Variants in PEMT observed in about 807,000 individuals in gnomAD.
PEMT encodes phosphatidylethanolamine N-methyltransferase.
Under a neutral mutation model 27.4 loss-of-function variants are expected in PEMT, and 23 were observed. The observed-to-expected ratio is 0.84, with a 90% CI of 0.60 to 1.19. PEMT has a LOEUF of 1.19. PEMT is among the 50% of genes most tolerant of loss of function. The pLI, the probability that PEMT is intolerant of heterozygous loss-of-function variation, is 0.00. For missense variants in PEMT, 307 were observed against 310.1 expected (o/e 0.99, Z 0.07); for synonymous variants, 137 against 139.1 (o/e 0.98, Z 0.11).
rs921682338 is a variant in PEMT, at chr17:17,518,777, C to T, written c.320+3503G>A. Among the ~76,000 whole-genome samples the T allele has an allele frequency of 2.8e-4, 43 of 152,134 alleles. 1 individual carries two copies. The highest frequency in any genetic ancestry group is 2.6e-3 in the Admixed American group (39 of 15,276). On this transcript the variant is annotated intron_variant, in intron 3 of 6. Coordinates refer to ENST00000255389, the MANE Select transcript of PEMT (RefSeq NM_148172.3). ...AAAGCTTGCCATCTCCCATGGAGAA[C>T]GATGCCACACCCCAAAGGTCCAGAA...
rs555855212 is a variant in PEMT at position 17,552,112 on chromosome 17, G to C, written c.204+24808C>G. 3.9e-5 allele frequency among the ~76,000 whole-genome samples: 6 copies of C among 152,302 alleles called. No individual in the cohort carries two copies. The East Asian group carries it at 1.2e-3, about 29-fold the overall frequency. ...AGCTACTTGGTAGGCTGAGGCAGGA[G>C]AATCACTTGAACCTGGGAGGTGGAG... On this transcript the variant is annotated intron_variant, in intron 2 of 6. Transcript: ENST00000255389.
intron 2 of PEMT, among the ~76,000 whole-genome samples, chr17:17,576,356 G>A (rs978609471): frequency 2.0e-5 from 3 of 152,186 alleles, no homozygotes; most frequent in Admixed American, 6.5e-5. Flanking sequence ...CACCCATCAC[G>A]AGCTGGTGCC....
At position 17,512,755 on chromosome 17, in the gene PEMT, T is replaced by A; in HGVS notation, c.321-101A>T. The A allele has an allele frequency of 8.4e-7, 1 of 1,193,192 alleles. No individual in the cohort carries two copies. Among genetic ancestry groups the A allele is most frequent in the Non-Finnish European group, 1.1e-6 (1 of 913,888 alleles). 73.9% of individuals were successfully genotyped at this position (1,193,192 alleles called of 1,614,324 possible). A position where few individuals can be genotyped will look rare whatever the true frequency, so the allele number is the denominator to read the frequency against. ...CTTCTCGCCCTCTCCCCAGGGACCC[T>A]TAGAGAGTAGCCAGCCCAGGGCTGC... On this transcript the variant is annotated intron_variant, in intron 3 of 6. Transcript: ENST00000255389. The surrounding 1 kb of genome is among the most constrained non-coding windows in gnomAD (Gnocchi z 6.3).
chr17:17,539,204 C>T (rs1908707352), intron 2 of PEMT, among the ~76,000 whole-genome samples: 1 of 152,174 alleles, frequency 6.6e-6, no homozygotes, highest in African/African-American at 2.4e-5. Context: ...TGGTCTCCAA[C>T]TGTTGGTCTT....
intron 2 of PEMT, among the ~76,000 whole-genome samples, chr17:17,556,006 G>A (rs1041097389): frequency 1.3e-5 from 2 of 152,242 alleles, no homozygotes; most frequent in Non-Finnish European, 2.9e-5. Flanking sequence ...GAAGTGCTGC[G>A]CACTGTGCCG....
Position 17,582,323 on chromosome 17 carries a change from C to T in PEMT, c.97-5296G>A, listed in dbSNP as rs569915929. Reference sequence around the variant, plus strand: ...TAGCTCGAGTCCCACAGGTCACCGACGAATAGCCTCAGCTGTTAACACCCC... The same window carrying T: ...TAGCTCGAGTCCCACAGGTCACCGATGAATAGCCTCAGCTGTTAACACCCC... On this transcript the variant is annotated intron_variant, in intron 1 of 6. Coordinates refer to ENST00000255389, the MANE Select transcript of PEMT (RefSeq NM_148172.3). The surrounding 1 kb of genome is among the most constrained non-coding windows in gnomAD (Gnocchi z 4.9). 9 of 985,454 alleles carry T rather than the reference C, an allele frequency of 9.1e-6. No homozygotes were observed. The highest frequency in any genetic ancestry group is 6.1e-5 in the Admixed American group (1 of 16,286). 61.0% of individuals were successfully genotyped at this position (985,454 alleles called of 1,614,324 possible).
At chr17:17,550,857 A>G (rs540083966) in intron 2 of PEMT, among the ~76,000 whole-genome samples, 39 of 152,336 alleles carry the variant, frequency 2.6e-4, no homozygotes, top group Admixed American at 1.8e-3. Flanking sequence ...GTACAGAGAA[A>G]GCCCACGGAG....
intron 2 of PEMT, among the ~76,000 whole-genome samples, chr17:17,525,282 A>C (rs976789019): frequency 3.3e-5 from 5 of 152,218 alleles, no homozygotes; most frequent in Admixed American, 3.3e-4. Context: ...GAAAAGCATC[A>C]AGCAAGACTA....
At chr17:17,577,552 C>T (rs912985525) in intron 1 of PEMT, 8 of 989,888 alleles carry the variant, frequency 8.1e-6, no homozygotes, top group Non-Finnish European at 9.6e-6. Context: ...ACATCCCGGC[C>T]ACGCCACCCG....
At position 17,586,190 on chromosome 17, in the gene PEMT, G is replaced by C. The variant is rs183567369; in HGVS notation, c.96+5341C>G. ...AAAAAGAAAGAAAGAAAAAGAAAAA[G>C]AAGGAAGGAAAGAAAGAAAGAAAGA... On this transcript the variant is annotated intron_variant, in intron 1 of 6. Transcript: ENST00000255389. Among the ~76,000 whole-genome samples, 149 of 119,412 alleles carry C rather than the reference G, an allele frequency of 1.2e-3. 4 individuals carry two copies. Among genetic ancestry groups the C allele is most frequent in the Middle Eastern group, 4.5e-3 (1 of 220 alleles). 78.3% of individuals were successfully genotyped at this position (119,412 alleles called of 152,430 possible). A position where few individuals can be genotyped will look rare whatever the true frequency, so the allele number is the denominator to read the frequency against.
In PEMT at chr17:17,516,567, C is replaced by T. The variant is rs115046876; in HGVS notation, c.321-3913G>A. Among the ~76,000 whole-genome samples the T allele has an allele frequency of 5.5e-3, 841 of 152,304 alleles. 5 individuals carry two copies. Among genetic ancestry groups the T allele is most frequent in the African/African-American group, 0.018 (768 of 41,564 alleles). ...AGCCTCACGGGCAGGCCAAGGACAA[C>T]AGGCAGCAGTATCCCAGCACCCCTA... On this transcript the variant is annotated intron_variant, in intron 3 of 6. Transcript: ENST00000255389.
intron 2 of PEMT, among the ~76,000 whole-genome samples, chr17:17,562,759 A>G (rs1388465280): frequency 6.6e-6 from 1 of 152,078 alleles, no homozygotes; most frequent in East Asian, 1.9e-4. Flanking sequence ...CAGTGAGTGG[A>G]GATCGCACCA....
chr17:17,548,214 C>T (rs928379889), intron 2 of PEMT, among the ~76,000 whole-genome samples: 1 of 152,256 alleles, frequency 6.6e-6, no homozygotes, highest in East Asian at 1.9e-4. Flanking sequence ...AAGCTGCACA[C>T]AGCCCTGCTG....
chr17:17,521,245 A>AT (rs889449577), intron 3 of PEMT, among the ~76,000 whole-genome samples: 5 of 152,112 alleles, frequency 3.3e-5, no homozygotes, highest in African/African-American at 1.2e-4. Context: ...CTAGTTTCTC[A>AT]TTTTTTGGAG....
chr17:17,575,724 A>C (rs1211318474), intron 2 of PEMT, among the ~76,000 whole-genome samples: 4 of 151,578 alleles, frequency 2.6e-5, no homozygotes, highest in African/African-American at 9.7e-5. Flanking sequence ...CGCCAGTCTC[A>C]CTCCCACCTC....
chr17:17,515,863 A>G (rs111485551), intron 3 of PEMT, among the ~76,000 whole-genome samples: 27 of 152,218 alleles, frequency 1.8e-4, no homozygotes, highest in African/African-American at 6.3e-4. Context: ...TATTTTTAAG[A>G]CCTGGATTGA....
chr17:17,566,779 G>A (rs889065049), intron 2 of PEMT, among the ~76,000 whole-genome samples: 1 of 152,220 alleles, frequency 6.6e-6, no homozygotes, highest in African/African-American at 2.4e-5. Context: ...TGGGCGCAGG[G>A]GGGCAGGTCG....
At chr17:17,519,280 C>T (rs1037347829) in intron 3 of PEMT, among the ~76,000 whole-genome samples, 3 of 152,030 alleles carry the variant, frequency 2.0e-5, no homozygotes, top group Non-Finnish European at 2.9e-5. Flanking sequence ...CAGGGCACAC[C>T]TCTGCCTCTG....
chr17:17,575,850 A>G (rs1251481675), intron 2 of PEMT, among the ~76,000 whole-genome samples: 2 of 152,228 alleles, frequency 1.3e-5, no homozygotes, highest in Non-Finnish European at 2.9e-5. Context: ...ACTGTCTTTG[A>G]CATGAGCAGG....
Sources: gnomAD v4.1 joint callset for allele counts (sites outside exome capture counted in the v4.1 genomes callset) on GRCh38, gnomAD v4.1.1 for gene constraint, Gnocchi (gnomAD v3.1) non-coding constraint, MANE v1.5 for transcripts, NCBI Gene and HGNC (gene_info 2026-07-23, HGNC 2026-07-21) for gene names.